GABBR2: variants seen among roughly 807,000 people sequenced by gnomAD.
The protein encoded by GABBR2 is gamma-aminobutyric acid type B receptor subunit 2.
In GABBR2, 23 loss-of-function variants were observed where a neutral mutation model predicts 105.6. The observed-to-expected ratio is 0.22, with a 90% CI of 0.16 to 0.31. The LOEUF is 0.31. Ranked by LOEUF, GABBR2 falls within the 10% of genes least tolerant of loss-of-function variation. GABBR2 has a pLI of 1.00. For missense variants in GABBR2, 734 were observed against 1,245.5 expected (o/e 0.59, Z 6.18); for synonymous variants, 478 against 499.7 (o/e 0.96, Z 0.58).
chr9:98,384,766 G>A (rs1832041909), intron 11 of GABBR2, among the ~76,000 whole-genome samples: 1 of 152,118 alleles, frequency 6.6e-6, no homozygotes. Context: ...CCCCTTGGGG[G>A]CAACTGTTGG....
intron 11 of GABBR2, among the ~76,000 whole-genome samples, chr9:98,382,199 G>C (rs1450634844): frequency 1.3e-5 from 2 of 152,104 alleles, no homozygotes; most frequent in Non-Finnish European, 1.5e-5. Flanking sequence ...GGAAGGACTG[G>C]GGCCATGGCA....
At chr9:98,654,779 A>G (rs928725613) in intron 1 of GABBR2, among the ~76,000 whole-genome samples, 2 of 152,256 alleles carry the variant, frequency 1.3e-5, no homozygotes, top group African/African-American at 2.4e-5. Flanking sequence ...ACTTATGTCT[A>G]CACAAAAACC....
Position 98,607,274 on chromosome 9 carries a change from G to C in GABBR2, c.322-29202C>G, listed in dbSNP as rs1829439834. 9 of 1,039,686 alleles carry C rather than the reference G, an allele frequency of 8.7e-6. No homozygotes were observed. In the South Asian group the frequency reaches 1.1e-4, roughly 13 times the overall value. The allele number at this position is 1,039,686 out of a possible 1,614,324, so 64.4% of individuals were successfully genotyped here. A position where few individuals can be genotyped will look rare whatever the true frequency, so the allele number is the denominator to read the frequency against. Reference sequence around the variant, plus strand: ...ACTACGTAAATGCAGAATCGCATGTGAACGGACGTCAGATGCCTGATAACG... The same window carrying C: ...ACTACGTAAATGCAGAATCGCATGTCAACGGACGTCAGATGCCTGATAACG... On this transcript the variant is annotated intron_variant, in intron 1 of 18. Coordinates refer to ENST00000259455, the MANE Select transcript of GABBR2 (RefSeq NM_005458.8).
At chr9:98,545,685 G>A (rs1001840964) in intron 2 of GABBR2, among the ~76,000 whole-genome samples, 1 of 152,164 alleles carries the variant, frequency 6.6e-6, no homozygotes, top group Non-Finnish European at 1.5e-5. Flanking sequence ...CCCTGGTTTG[G>A]AATAAGTAGA....
chr9:98,438,759 A>T (rs1825978480), intron 7 of GABBR2, among the ~76,000 whole-genome samples: 1 of 152,198 alleles, frequency 6.6e-6, no homozygotes, highest in Non-Finnish European at 1.5e-5. Flanking sequence ...GTGAAAGGGC[A>T]TTAAACAAAA....
intron 1 of GABBR2, among the ~76,000 whole-genome samples, chr9:98,617,009 C>G (rs1346337613): frequency 6.6e-6 from 1 of 152,212 alleles, no homozygotes; most frequent in African/African-American, 2.4e-5. Context: ...ACATTCCAGG[C>G]TTCCCCAGGT....
At chr9:98,560,938 ATCATTATAATG>A (rs1828666006) in intron 2 of GABBR2, among the ~76,000 whole-genome samples, 1 of 151,904 alleles carries the variant, frequency 6.6e-6, no homozygotes, top group Non-Finnish European at 1.5e-5. Flanking sequence ...ATTATCCTAT[ATCATTATAATG>A]TCATTATCAC....
chr9:98,428,682 G>A (rs971519425), intron 7 of GABBR2, among the ~76,000 whole-genome samples: 1 of 152,188 alleles, frequency 6.6e-6, no homozygotes, highest in Non-Finnish European at 1.5e-5. Context: ...GTTCAGAAAT[G>A]GGCACATGAC....
intron 1 of GABBR2, among the ~76,000 whole-genome samples, chr9:98,673,810 C>T (rs1021675154): frequency 1.3e-5 from 2 of 152,234 alleles, no homozygotes; most frequent in East Asian, 1.9e-4. Flanking sequence ...AAGCACTGTT[C>T]GACACACAAG....
At position 98,495,347 on chromosome 9, in the gene GABBR2, A is replaced by T. The variant is rs79571298; in HGVS notation, c.732+1066T>A. Among the ~76,000 whole-genome samples the T allele has an allele frequency of 1.4e-4, 22 of 152,278 alleles. 1 individual carries two copies. The East Asian group carries it at 3.5e-3, about 24-fold the overall frequency. ...CTGACTGGTGTAACCTGGGACCCAC[A>T]CAAGACAGAAGGGACATATCTGCAG... On this transcript the variant is annotated intron_variant, in intron 4 of 18. Coordinates refer to ENST00000259455, the MANE Select transcript of GABBR2 (RefSeq NM_005458.8).
intron 11 of GABBR2, among the ~76,000 whole-genome samples, chr9:98,374,607 G>C (rs76566732): frequency 6.6e-6 from 1 of 152,092 alleles, no homozygotes; most frequent in Admixed American, 6.6e-5. Flanking sequence ...AGACGGTGTC[G>C]ACATATCCAT....
chr9:98,704,007 C>T (rs2131889234), intron 1 of GABBR2, among the ~76,000 whole-genome samples: 1 of 151,950 alleles, frequency 6.6e-6, no homozygotes, highest in African/African-American at 2.4e-5. Flanking sequence ...CAGAATTATG[C>T]AACCATCTCC....
At chr9:98,342,672 G>A (rs1831233969) in intron 13 of GABBR2, among the ~76,000 whole-genome samples, 1 of 152,168 alleles carries the variant, frequency 6.6e-6, no homozygotes, top group African/African-American at 2.4e-5. Flanking sequence ...AACTATGTGT[G>A]ACAAGACCAG....
At chr9:98,504,946 A>G (rs1271168220) in intron 3 of GABBR2, among the ~76,000 whole-genome samples, 1 of 152,192 alleles carries the variant, frequency 6.6e-6, no homozygotes, top group Non-Finnish European at 1.5e-5. Flanking sequence ...TAGCCTGGAG[A>G]GGTGTAGACC....
chr9:98,650,215 T>C (rs1045555226), intron 1 of GABBR2, among the ~76,000 whole-genome samples: 1 of 152,214 alleles, frequency 6.6e-6, no homozygotes, highest in African/African-American at 2.4e-5. Flanking sequence ...TGCCCTAGCC[T>C]GAGCAGCAGT....
At chr9:98,622,417 C>T (rs918757122) in intron 1 of GABBR2, among the ~76,000 whole-genome samples, 1 of 152,138 alleles carries the variant, frequency 6.6e-6, no homozygotes, top group Admixed American at 6.6e-5. Context: ...CCTCCTGTCT[C>T]GACCTCCCAA....
chr9:98,513,923 C>G (rs1827704931), intron 3 of GABBR2, among the ~76,000 whole-genome samples: 1 of 152,158 alleles, frequency 6.6e-6, no homozygotes. Context: ...ACCCACAGGA[C>G]TATAAATCAT....
intron 7 of GABBR2, among the ~76,000 whole-genome samples, chr9:98,433,786 T>C (rs1188215296): frequency 6.6e-6 from 1 of 152,184 alleles, no homozygotes; most frequent in Non-Finnish European, 1.5e-5. Flanking sequence ...TACCTGGGCA[T>C]GTTTCTGTGG....
intron 18 of GABBR2, among the ~76,000 whole-genome samples, chr9:98,291,631 C>T (rs1477509153): frequency 6.6e-6 from 1 of 152,166 alleles, no homozygotes; most frequent in African/African-American, 2.4e-5. Context: ...TTGGGGCCCC[C>T]TAAGTTCCAT....
Sources: gnomAD v4.1 joint callset for allele counts (sites outside exome capture counted in the v4.1 genomes callset) on GRCh38, gnomAD v4.1.1 for gene constraint, MANE v1.5 for transcripts, NCBI Gene and HGNC (gene_info 2026-07-23, HGNC 2026-07-21) for gene names.